The following EXOC7 variants were observed in gnomAD, a reference collection of about 807,000 sequenced individuals.
The protein encoded by EXOC7 is exocyst complex component 7, also known as exocyst complex component Exo70.
A neutral mutation model predicts 87.6 loss-of-function variants in EXOC7; 51 were observed. The observed-to-expected ratio is 0.58, with a 90% CI of 0.46 to 0.73. The LOEUF is 0.73. Among genes scored for constraint, EXOC7 ranks in the 30% least tolerant of loss-of-function variants. The probability of loss-of-function intolerance (pLI) is 0.00; values close to 1 mark genes in which losing one functional copy is unlikely to be tolerated. For missense variants in EXOC7, 744 were observed against 888.4 expected (o/e 0.84, Z 2.07); for synonymous variants, 327 against 357.1 (o/e 0.92, Z 0.95).
chr17:76,087,899 C>T (rs2067285619), intron 11 of EXOC7, 161 bp downstream of exon 11: 3 of 956,512 alleles, frequency 3.1e-6, no homozygotes, highest in South Asian at 2.8e-5. Context: ...GCTAGAGACA[C>T]TAAACATGTC....
Position 76,083,498 on chromosome 17 carries a change from G to C in EXOC7, c.*150C>G. On this transcript the variant is annotated 3_prime_UTR_variant, in exon 19 of 19. Coordinates refer to ENST00000589210, the MANE Select transcript of EXOC7 (RefSeq NM_001013839.4). ...GGGGAAAAAGCAGGAGCCAGGACTA[G>C]GGGGCTCAGGGACACAGCTCCCGGA... The C allele has an allele frequency of 1.4e-6, 1 of 717,542 alleles. No individual in the cohort carries two copies. The highest frequency in any genetic ancestry group is 2.4e-6 in the Non-Finnish European group (1 of 412,320). The allele number at this position is 717,542 out of a possible 1,614,324, so 44.4% of individuals were successfully genotyped here.
At chr17:76,084,484 G>C (rs762171942) in intron 16 of EXOC7, 33 bp downstream of exon 16, 2 of 1,610,038 alleles carry the variant, frequency 1.2e-6, no homozygotes, top group Non-Finnish European at 1.7e-6. Context: ...CCGTCTGCCA[G>C]ACACCCCTTC....
chr17:76,094,278 T>C (rs1218847766), intron 6 of EXOC7, 136 bp downstream of exon 6: 14 of 910,802 alleles, frequency 1.5e-5, no homozygotes, highest in Non-Finnish European at 2.1e-5. Flanking sequence ...CTTTCTGTCC[T>C]GTGTACCTAC....
intron 14 of EXOC7, 127 bp downstream of exon 14, chr17:76,085,550 G>T: frequency 6.5e-7 from 1 of 1,535,092 alleles, no homozygotes; most frequent in Non-Finnish European, 8.9e-7. Flanking sequence ...GTCCTGGGGT[G>T]GAGGAGACTG....
chr17:76,094,924 A>G (rs2067676790), intron 5 of EXOC7, among the ~76,000 whole-genome samples: 1 of 149,906 alleles, frequency 6.7e-6, no homozygotes, highest in South Asian at 2.1e-4. Flanking sequence ...CAGTCTTAAA[A>G]GAGAAAAACA....
At chr17:76,100,485 A>C (rs1335169522) in intron 4 of EXOC7, among the ~76,000 whole-genome samples, 1 of 151,902 alleles carries the variant, frequency 6.6e-6, no homozygotes, top group East Asian at 1.9e-4. Context: ...AAAAAAAAAA[A>C]AATTAGCCGA....
In EXOC7 at chr17:76,082,704, G is replaced by A; in HGVS notation, c.*944C>T. 1 of 1,527,586 alleles carries A rather than the reference G, an allele frequency of 6.5e-7. No homozygotes were observed. Among genetic ancestry groups the A allele is most frequent in the Non-Finnish European group, 8.8e-7 (1 of 1,138,096 alleles). The allele number at this position is 1,527,586 out of a possible 1,614,324, so 94.6% of individuals were successfully genotyped here. On this transcript the variant is annotated 3_prime_UTR_variant, in exon 19 of 19. Transcript: ENST00000589210. ...TTAGGATGAAGTTTGCTTTCCCATG[G>A]CTGGGGGCGGGCCATGACAGGGCCT...
Position 76,081,892 on chromosome 17 carries a change from C to T in EXOC7, c.*1756G>A, listed in dbSNP as rs367895945. The T allele has an allele frequency of 7.5e-6, 12 of 1,610,130 alleles. No individual in the cohort carries two copies. The highest frequency in any genetic ancestry group is 1.0e-5 in the Non-Finnish European group (12 of 1,177,608). On this transcript the variant is annotated 3_prime_UTR_variant, in exon 19 of 19. Coordinates refer to ENST00000589210, the MANE Select transcript of EXOC7 (RefSeq NM_001013839.4). ...CCCTGCCTCCCCCAGTTTACTACTT[C>T]ACCATCCTGCTGCTGCTGCTCTTCC...
intron 14 of EXOC7, 32 bp downstream of exon 14, chr17:76,085,645 G>A: frequency 6.2e-7 from 1 of 1,613,860 alleles, no homozygotes; most frequent in Non-Finnish European, 8.5e-7. Context: ...GGGAAGGTGA[G>A]AGCCGCAGAC....
intron 12 of EXOC7, chr17:76,086,799 C>A: frequency 6.6e-7 from 1 of 1,514,426 alleles, no homozygotes; most frequent in Non-Finnish European, 9.0e-7. Flanking sequence ...CCCAGGGAAC[C>A]TCACCCACCA....
intron 7 of EXOC7, 120 bp from the exon 8 acceptor site, chr17:76,089,440 G>C (rs2067374450): frequency 1.5e-6 from 2 of 1,308,438 alleles, no homozygotes; most frequent in East Asian, 5.0e-5. Context: ...TGGGGAAGAG[G>C]CTGACTGTTC....
chr17:76,092,093 G>A (rs1347276361), intron 6 of EXOC7, among the ~76,000 whole-genome samples: 1 of 152,104 alleles, frequency 6.6e-6, no homozygotes, highest in Non-Finnish European at 1.5e-5. Flanking sequence ...AAGCAGACAA[G>A]TGCAGCTGCC....
Position 76,083,675 on chromosome 17 carries a change from G to A in EXOC7, c.2028C>T (p.Ile676=). 5 of 1,613,842 alleles carry A rather than the reference G, an allele frequency of 3.1e-6. No homozygotes were observed. Among genetic ancestry groups the A allele is most frequent in the Non-Finnish European group, 4.2e-6 (5 of 1,179,994 alleles). Residue 676 remains isoleucine (I), a synonymous_variant, in exon 19 of 19, where the codon ATC becomes ATT. Coordinates refer to ENST00000589210, the MANE Select transcript of EXOC7 (RefSeq NM_001013839.4). ...KYGVEQVGDM[I]DRLFDTSA ...AGGCAGAGGTGTCGAAAAGGCGATC[G>A]ATCATGTCGCCCACCTGCTCCACCC... is the stretch of plus-strand genomic sequence containing the variant.
Position 76,083,543 on chromosome 17 carries a change from G to A in EXOC7, c.*105C>T. Reference sequence around the variant, plus strand: ...CCCGGAGGCGTGGAGACAGGTCTCTGTCCCAGAGGACTTCAAGCTCACCCA... The same window carrying A: ...CCCGGAGGCGTGGAGACAGGTCTCTATCCCAGAGGACTTCAAGCTCACCCA... On this transcript the variant is annotated 3_prime_UTR_variant, in exon 19 of 19. Transcript: ENST00000589210. 8.9e-7 allele frequency: 1 copy of A among 1,127,982 alleles called. No individual in the cohort carries two copies. Among genetic ancestry groups the A allele is most frequent in the Non-Finnish European group, 1.3e-6 (1 of 747,932 alleles). The allele number at this position is 1,127,982 out of a possible 1,614,324, so 69.9% of individuals were successfully genotyped here.
rs1567963634 is a variant in EXOC7, at chr17:76,087,602, T to C, written c.1429+52A>G. 6 of 1,526,172 alleles carry C rather than the reference T, an allele frequency of 3.9e-6. No homozygotes were observed. The South Asian group carries it at 6.0e-5, about 15-fold the overall frequency. The allele number at this position is 1,526,172 out of a possible 1,614,324, so 94.5% of individuals were successfully genotyped here. A position where few individuals can be genotyped will look rare whatever the true frequency, so the allele number is the denominator to read the frequency against. On this transcript the variant is annotated intron_variant, in intron 12 of 18. Coordinates refer to ENST00000589210, the MANE Select transcript of EXOC7 (RefSeq NM_001013839.4). ...GCTACCTGCCCTCTAACCCCATGTCTCCAGGCAAGGAGGCGAGTGGGGCAG... is the reference window on the plus strand; with the variant it reads ...GCTACCTGCCCTCTAACCCCATGTCCCCAGGCAAGGAGGCGAGTGGGGCAG...
Position 76,084,521 on chromosome 17 carries a change from A to G in EXOC7, c.1772T>C (p.Val591Ala), listed in dbSNP as rs372481183. Residue 591 changes from valine (V) to alanine (A), a missense_variant, in exon 16 of 19, where the codon GTC becomes GCC. Physicochemically the swap from Val to Ala is moderately conservative, Grantham distance 64. Around this residue, in one of 3 missense-constraint regions of EXOC7, gnomAD observed 228 missense variants for 298.6 expected, o/e 0.76. Coordinates refer to ENST00000589210, the MANE Select transcript of EXOC7 (RefSeq NM_001013839.4). ...EKNLPVFQPG[V>A]KLRDKERQII... is the part of the protein sequence containing the mutation. ...CAGCCCAGGTCTTGAGCCCACCTTG[A>G]CTCCCGGCTGGAACACAGGTAGATT... The G allele has an allele frequency of 6.2e-7, 1 of 1,613,578 alleles. No homozygotes were observed. The highest frequency in any genetic ancestry group is 1.3e-5 in the African/African-American group (1 of 74,830).
rs984666307 is a variant in EXOC7 at position 76,101,504 on chromosome 17, C to T, written c.312-128G>A. 7.1e-6 allele frequency: 10 copies of T among 1,406,398 alleles called. No homozygotes were observed. In the African/African-American group the frequency reaches 8.6e-5, roughly 12 times the overall value. The allele number at this position is 1,406,398 out of a possible 1,614,324, so 87.1% of individuals were successfully genotyped here. On this transcript the variant is annotated intron_variant, in intron 3 of 18. Coordinates refer to ENST00000589210, the MANE Select transcript of EXOC7 (RefSeq NM_001013839.4). ...TCAAATATATTCTATCCCCCCACTG[C>T]CTTTTAAGGCCTAGGGCTTAAAAGG...
Position 76,101,409 on chromosome 17 carries a change from C to T in EXOC7, c.312-33G>A, listed in dbSNP as rs1385282979. The T allele has an allele frequency of 2.5e-6, 4 of 1,611,756 alleles. No homozygotes were observed. In the African/African-American group the frequency reaches 5.4e-5, roughly 22 times the overall value. ...AGAAAAGAGCCAGGTCAGGCTGGGG[C>T]ATGGGGGATGAAGAAGGACTAAGGA... On this transcript the variant is annotated intron_variant, in intron 3 of 18. Coordinates refer to ENST00000589210, the MANE Select transcript of EXOC7 (RefSeq NM_001013839.4).
intron 5 of EXOC7, among the ~76,000 whole-genome samples, chr17:76,095,437 G>T (rs754157165): frequency 6.6e-6 from 1 of 152,170 alleles, no homozygotes; most frequent in Non-Finnish European, 1.5e-5. Context: ...CCCAGCCCTA[G>T]TTGTAAGTTT....
Sources: allele counts gnomAD v4.1 joint callset (sites outside exome capture counted in the v4.1 genomes callset), GRCh38; gene constraint gnomAD v4.1.1; regional missense constraint gnomAD v4.1.1; transcripts MANE v1.5; gene names NCBI Gene and HGNC (gene_info 2026-07-23, HGNC 2026-07-21).